FSTL5: variants seen among roughly 807,000 people sequenced by gnomAD.
FSTL5 encodes the protein follistatin like 5.
FSTL5 carries 62 observed loss-of-function variants against 89.1 expected under a neutral mutation model. The ratio of observed to expected loss-of-function variants is 0.70; its 90% CI spans 0.57 to 0.86. The LOEUF is 0.86. FSTL5 is among the 40% of genes least tolerant of loss of function. The pLI is 0.00. For synonymous variants in FSTL5, 383 were observed against 346.2 expected (o/e 1.11, Z -1.18); for missense variants, 1,057 against 1,001.6 (o/e 1.06, Z -0.75).
At chr4:161,977,665 A>ATAATAC (rs1735702841) in intron 3 of FSTL5, among the ~76,000 whole-genome samples, 1 of 135,360 alleles carries the variant, frequency 7.4e-6, no homozygotes, top group Non-Finnish European at 1.5e-5. Flanking sequence ...AATAATAATA[A>ATAATAC]TAAATTATTT....
At chr4:161,873,485 C>T (rs1560893033) in intron 4 of FSTL5, among the ~76,000 whole-genome samples, 1 of 143,550 alleles carries the variant, frequency 7.0e-6, no homozygotes, top group Non-Finnish European at 1.5e-5. Context: ...TCCTTAGTTC[C>T]TTCCTTCCTT....
intron 2 of FSTL5, among the ~76,000 whole-genome samples, chr4:162,099,452 AT>A (rs1422974123): frequency 6.6e-6 from 1 of 152,196 alleles, no homozygotes; most frequent in African/African-American, 2.4e-5. Flanking sequence ...TTCACAATAA[AT>A]TTATGATCCA....
intron 1 of FSTL5, among the ~76,000 whole-genome samples, chr4:162,154,036 A>G (rs543449428): frequency 1.3e-5 from 2 of 151,694 alleles, no homozygotes; most frequent in East Asian, 3.9e-4. Flanking sequence ...TGAACTCCTG[A>G]TCTCGGGTGA....
chr4:161,410,583 T>C (rs1731553267), intron 15 of FSTL5, among the ~76,000 whole-genome samples: 1 of 152,112 alleles, frequency 6.6e-6, no homozygotes, highest in African/African-American at 2.4e-5. Context: ...CTCTCAAAAT[T>C]ACATGAAAAC....
chr4:161,933,100 T>C (rs966003141), intron 3 of FSTL5, among the ~76,000 whole-genome samples: 2 of 152,172 alleles, frequency 1.3e-5, no homozygotes, highest in African/African-American at 4.8e-5. Flanking sequence ...TACTGTCCAT[T>C]TTACATTGTT....
intron 4 of FSTL5, among the ~76,000 whole-genome samples, chr4:161,801,065 G>A (rs577252006): frequency 4.0e-5 from 6 of 151,434 alleles, no homozygotes; most frequent in African/African-American, 9.7e-5. Context: ...AGTATTAGAC[G>A]GTGAAAAGTG....
intron 15 of FSTL5, among the ~76,000 whole-genome samples, chr4:161,438,745 A>T (rs1309643285): frequency 6.6e-6 from 1 of 152,194 alleles, no homozygotes; most frequent in Non-Finnish European, 1.5e-5. Flanking sequence ...TAACTATGAT[A>T]TTGCAAATGA....
intron 3 of FSTL5, among the ~76,000 whole-genome samples, chr4:162,026,304 C>CCTTTTTTTTTTTTTTTTTTTTTTTTT (rs1737280662): frequency 1.3e-5 from 1 of 79,476 alleles, no homozygotes; most frequent in African/African-American, 4.9e-5. Context: ...TATGTATTTT[C>CCTTTTTTTTTTTTTTTTTTTTTTTTT]TTTTTTTTTT....
At position 161,607,562 on chromosome 4, in the gene FSTL5, A is replaced by G. The variant is rs191363615; in HGVS notation, c.895-19987T>C. Among the ~76,000 whole-genome samples, 59 of 152,318 alleles carry G rather than the reference A, an allele frequency of 3.9e-4. No homozygotes were observed. In the East Asian group the frequency reaches 7.7e-3, roughly 20 times the overall value. The stretch of plus-strand genomic sequence containing the variant: ...AAGACAATTTGCTTTTTGTCAGAAA[A>G]TGTTTATTGGGCACCTGTTCTTTAC... On this transcript the variant is annotated intron_variant, in intron 7 of 15. Coordinates refer to ENST00000306100, the MANE Select transcript of FSTL5 (RefSeq NM_020116.5).
intron 6 of FSTL5, among the ~76,000 whole-genome samples, chr4:161,694,357 T>C (rs1738059741): frequency 6.6e-6 from 1 of 152,124 alleles, no homozygotes. Context: ...TCCCAGTGAA[T>C]GTTGTATTTT....
chr4:161,488,225 C>A (rs1729746484), intron 12 of FSTL5, among the ~76,000 whole-genome samples: 1 of 151,992 alleles, frequency 6.6e-6, no homozygotes. Context: ...CATTCAATTT[C>A]CGATTTCATT....
chr4:162,138,677 A>C (rs1031803471), intron 1 of FSTL5, among the ~76,000 whole-genome samples: 19 of 152,082 alleles, frequency 1.2e-4, no homozygotes, highest in Non-Finnish European at 2.9e-5. Flanking sequence ...ATAATTGGAA[A>C]GTTTAGACAA....
intron 10 of FSTL5, among the ~76,000 whole-genome samples, chr4:161,520,440 T>C (rs1021829489): frequency 5.9e-5 from 9 of 151,856 alleles, no homozygotes; most frequent in Admixed American, 6.6e-5. Context: ...AGGATAAAAA[T>C]TGCTAGATAT....
intron 1 of FSTL5, among the ~76,000 whole-genome samples, chr4:162,112,719 G>T (rs1458215230): frequency 2.0e-5 from 3 of 150,552 alleles, no homozygotes; most frequent in South Asian, 4.2e-4. Context: ...TCACGCTTCT[G>T]ACCTCATCAG....
chr4:161,487,822 T>TATAA (rs1176196890), intron 12 of FSTL5, among the ~76,000 whole-genome samples: 1 of 152,108 alleles, frequency 6.6e-6, no homozygotes, highest in African/African-American at 2.4e-5. Context: ...ATGCAAGGAA[T>TATAA]ATAAATAATT....
At position 161,481,080 on chromosome 4, in the gene FSTL5, A is replaced by T. The variant is rs780312167; in HGVS notation, c.1548T>A (p.Val516=). The T allele has an allele frequency of 6.2e-7, 1 of 1,613,294 alleles. No homozygotes were observed. Among genetic ancestry groups the T allele is most frequent in the Admixed American group, 1.7e-5 (1 of 60,010 alleles). Residue 516 remains valine (V), a synonymous_variant, in exon 13 of 16, where the codon GTT becomes GTA. Transcript: ENST00000306100. ...AVNVKDKFIY[V]AQPTLDRVLI... ...GGACTCTGTCCAAAGTTGGCTGTGC[A>T]ACATAAATGAACTTGTCTTTGACAT...
chr4:161,461,288 C>CAAAAAAAAAAA (rs781313697), intron 13 of FSTL5, among the ~76,000 whole-genome samples: 4 of 72,626 alleles, frequency 5.5e-5, no homozygotes, highest in Admixed American at 1.7e-4. Flanking sequence ...ACTAAAAATA[C>CAAAAAAAAAAA]AAAAAAAACA....
intron 6 of FSTL5, among the ~76,000 whole-genome samples, chr4:161,703,782 C>A (rs1327000148): frequency 6.6e-6 from 1 of 152,020 alleles, no homozygotes; most frequent in Non-Finnish European, 1.5e-5. Context: ...TTTCAGTTAC[C>A]TGCTATAATA....
At chr4:161,440,097 C>A in intron 15 of FSTL5, among the ~76,000 whole-genome samples, 1 of 152,086 alleles carries the variant, frequency 6.6e-6, no homozygotes, top group East Asian at 1.9e-4. Flanking sequence ...TACAGGTCAC[C>A]TCACAATGAA....
Sources: gnomAD v4.1 joint callset for allele counts (sites outside exome capture counted in the v4.1 genomes callset) on GRCh38, gnomAD v4.1.1 for gene constraint, MANE v1.5 for transcripts, NCBI Gene and HGNC (gene_info 2026-07-23, HGNC 2026-07-21) for gene names.